The following MOV10L1 variants were observed in gnomAD, a reference collection of about 807,000 sequenced individuals.
MOV10L1 encodes RNA helicase Mov10l1.
Under a neutral mutation model 143.8 loss-of-function variants are expected in MOV10L1, and 110 were observed. The observed-to-expected ratio is 0.76, with a 90% confidence interval of 0.66 to 0.90. The LOEUF (loss-of-function observed/expected upper bound fraction) is 0.90, where lower values mean the gene tolerates loss of function less well. Among genes scored for constraint, MOV10L1 ranks in the 40% least tolerant of loss-of-function variants. The pLI is 0.00. For missense variants in MOV10L1, 1,406 were observed against 1,526.8 expected, an observed-to-expected ratio of 0.92 and a Z score of 1.32; for synonymous variants, 593 against 581.1, an observed-to-expected ratio of 1.02 and a Z score of -0.29.
At chr22:50,119,380 T>C (rs2062272906) in intron 9 of MOV10L1, among the ~76,000 whole-genome samples, 2 of 152,110 alleles carry the variant, frequency 1.3e-5, no homozygotes, top group East Asian at 1.9e-4. Flanking sequence ...CTGTCACAGG[T>C]CCTGCACTTC....
intron 2 of MOV10L1, chr22:50,094,501 A>T (rs1602107517): frequency 6.7e-6 from 1 of 150,078 alleles, no homozygotes; most frequent in Admixed American, 6.7e-5. Context: ...CTGGGTTCAC[A>T]CCATTCTCCT....
intron 3 of MOV10L1, among the ~76,000 whole-genome samples, chr22:50,099,925 G>C (rs1427064137): frequency 2.0e-5 from 3 of 152,166 alleles, no homozygotes; most frequent in Non-Finnish European, 4.4e-5. Context: ...TTCACACAGA[G>C]GCTCTTGGAT....
chr22:50,099,649 T>C, intron 3 of MOV10L1, 47 bp downstream of exon 3: 2 of 1,573,316 alleles, frequency 1.3e-6, no homozygotes, highest in Non-Finnish European at 1.7e-6. Context: ...GGTTTTGTCT[T>C]TTAAAGAATT....
intron 22 of MOV10L1, among the ~76,000 whole-genome samples, chr22:50,157,297 G>A (rs763341093): frequency 2.0e-5 from 3 of 152,104 alleles, no homozygotes; most frequent in African/African-American, 7.2e-5. Context: ...ATCTTTTCAC[G>A]TTGTTGATTG....
At chr22:50,113,827 T>G in intron 6 of MOV10L1, 39 bp downstream of exon 6, 3 of 1,526,318 alleles carry the variant, frequency 2.0e-6, no homozygotes, top group Middle Eastern at 1.8e-4. Context: ...AAAGCTACAT[T>G]AATGGCTTTT....
At position 50,161,383 on chromosome 22, in the gene MOV10L1, G is replaced by A; in HGVS notation, c.3570G>A (p.Val1190=). ...CTGTCTACAGCTGTGGCGAGGGGGT[G>A]GCAGACCCCTCCTACCCAGTGGTGC... ...LQSLQNCGEG[V]ADPSYPVVPE... is the part of the protein sequence containing the mutation. Residue 1190 remains valine (V), a synonymous_variant, in exon 27 of 27, where the codon GTG becomes GTA. Coordinates refer to ENST00000262794, the MANE Select transcript of MOV10L1 (RefSeq NM_018995.3). 2 of 1,599,578 alleles carry A rather than the reference G, an allele frequency of 1.3e-6. No homozygotes were observed. Among genetic ancestry groups the A allele is most frequent in the Non-Finnish European group, 8.5e-7 (1 of 1,173,378 alleles).
chr22:50,120,409 C>G, intron 9 of MOV10L1, 93 bp from the exon 10 acceptor site: 2 of 798,902 alleles, frequency 2.5e-6, no homozygotes, highest in Non-Finnish European at 4.2e-6. Context: ...GGACTTTGGT[C>G]TTCCTAAAAT....
intron 13 of MOV10L1, 84 bp from the exon 14 acceptor site, chr22:50,133,923 A>C (rs1358711551): frequency 9.2e-7 from 1 of 1,085,080 alleles, no homozygotes; most frequent in Non-Finnish European, 1.4e-6. Flanking sequence ...TAAAGATTGT[A>C]TCATAAAATT....
chr22:50,144,377 G>GCT, intron 18 of MOV10L1, 134 bp downstream of exon 18: 4 of 1,122,354 alleles, frequency 3.6e-6, no homozygotes, highest in Non-Finnish European at 4.9e-6. Context: ...TTGAGAAATG[G>GCT]CTCTGCCATG....
At chr22:50,108,311 G>A (rs770701434) in intron 4 of MOV10L1, 63 bp downstream of exon 4, 8 of 1,420,012 alleles carry the variant, frequency 5.6e-6, no homozygotes, top group Middle Eastern at 1.7e-4. Context: ...GGGGTAACTT[G>A]CACGGCCCAG....
intron 18 of MOV10L1, among the ~76,000 whole-genome samples, chr22:50,144,814 C>T (rs1032667303): frequency 3.2e-4 from 48 of 152,202 alleles, no homozygotes; most frequent in African/African-American, 1.1e-3. Flanking sequence ...ATCTCCTGAC[C>T]TCATGATCTG....
rs67071955 is a variant in MOV10L1, at chr22:50,113,912, C to CTTTTTTT, written c.884+142_884+148dup. The CTTTTTTT allele has an allele frequency of 3.7e-4, 97 of 263,388 alleles. 1 individual carries two copies. The highest frequency in any genetic ancestry group is 8.3e-4 in the African/African-American group (19 of 22,786). The allele number at this position is 263,388 out of a possible 1,614,324, so 16.3% of individuals were successfully genotyped here. On this transcript the variant is annotated intron_variant, in intron 6 of 26. Transcript: ENST00000262794. ...ATTTTTTTCTTTATGAAGATCTTTT[C>CTTTTTTT]TTTTTTTTTTTTTTTTTTTTTTTTG...
At chr22:50,115,353 C>T (rs1454587654) in intron 8 of MOV10L1, 107 bp downstream of exon 8, 37 of 1,294,948 alleles carry the variant, frequency 2.9e-5, no homozygotes, top group Admixed American at 1.2e-4. Flanking sequence ...TCACCTGAGA[C>T]CAGGAGTTCG....
Position 50,108,823 on chromosome 22 carries a change from G to GA in MOV10L1, c.722_723insA (p.Cys241Ter), listed in dbSNP as rs751584530. ...SQSCYVWRAL[C>*]MTLVKRRDAA... ...TCATGCTATGTCTGGAGGGCACTTT[G>GA]TATGACCCTAGTGAAGAGGCGGTAA... is the stretch of plus-strand genomic sequence containing the variant. The change falls in exon 5 of 27, where the codon TGT becomes TGAT. Residue 241 changes from cysteine (C) to a stop codon, truncating the protein, a stop_gained and frameshift_variant. Coordinates refer to ENST00000262794, the MANE Select transcript of MOV10L1 (RefSeq NM_018995.3). LOFTEE classifies it high-confidence loss of function. The GA allele has an allele frequency of 1.2e-6, 2 of 1,614,194 alleles. No homozygotes were observed. Among genetic ancestry groups the GA allele is most frequent in the Non-Finnish European group, 1.7e-6 (2 of 1,180,030 alleles).
intron 26 of MOV10L1, 39 bp downstream of exon 26, chr22:50,161,094 T>C (rs2063549180): frequency 1.3e-6 from 2 of 1,593,814 alleles, no homozygotes; most frequent in Non-Finnish European, 1.7e-6. Flanking sequence ...ACAGGCTGGC[T>C]CTAGAACGTG....
Position 50,120,489 on chromosome 22 carries a change from T to G in MOV10L1, c.1455-13T>G, listed in dbSNP as rs2062307462. The stretch of plus-strand genomic sequence containing the variant: ...AAAGACTTATTTTTAACTTGTGAAC[T>G]TAATTTTTTAAGGAACTCAAGACGA... On this transcript the variant is annotated splice_polypyrimidine_tract_variant and intron_variant, in intron 9 of 26. Transcript: ENST00000262794. 1 of 1,539,330 alleles carries G rather than the reference T, an allele frequency of 6.5e-7. No homozygotes were observed. The highest frequency in any genetic ancestry group is 9.0e-7 in the Non-Finnish European group (1 of 1,115,028).
chr22:50,127,926 C>G (rs1384621768), intron 12 of MOV10L1, among the ~76,000 whole-genome samples: 1 of 152,142 alleles, frequency 6.6e-6, no homozygotes, highest in Admixed American at 6.5e-5. Flanking sequence ...GTGCCCAGCA[C>G]CACGCCTGGG....
Position 50,099,529 on chromosome 22 carries a change from T to C in MOV10L1, c.369T>C (p.Cys123=). ...GCGGCCCCCGAGTGTTGATTGGCTG[T>C]GTGACTTCCCTGGTGGAGGGCGCAG... The part of the protein sequence containing the change: ...SDCGPRVLIG[C]VTSLVEGAGC... Residue 123 remains cysteine, a synonymous_variant, in exon 3 of 27, where the codon TGT becomes TGC. Transcript: ENST00000262794. 6.2e-7 allele frequency: 1 copy of C among 1,614,222 alleles called. No homozygotes were observed. The highest frequency in any genetic ancestry group is 8.5e-7 in the Non-Finnish European group (1 of 1,180,038).
chr22:50,161,583 G>A lies in MOV10L1; in HGVS notation c.*134G>A. The A allele has an allele frequency of 2.3e-6, 2 of 859,388 alleles. No homozygotes were observed. Among genetic ancestry groups the A allele is most frequent in the Non-Finnish European group, 3.5e-6 (2 of 571,670 alleles). The allele number at this position is 859,388 out of a possible 1,614,324, so 53.2% of individuals were successfully genotyped here. A position where few individuals can be genotyped will look rare whatever the true frequency, so the allele number is the denominator to read the frequency against. On this transcript the variant is annotated 3_prime_UTR_variant, in exon 27 of 27. Coordinates refer to ENST00000262794, the MANE Select transcript of MOV10L1 (RefSeq NM_018995.3). Reference sequence around the variant, plus strand: ...TCGTGTGTGGGTGTGGGGCTGCCAGGTTGGACGCAGCTGCTGCTGCCCTGA... The same window carrying A: ...TCGTGTGTGGGTGTGGGGCTGCCAGATTGGACGCAGCTGCTGCTGCCCTGA...
Sources: gnomAD v4.1 joint callset for allele counts (sites outside exome capture counted in the v4.1 genomes callset) on GRCh38, gnomAD v4.1.1 for gene constraint, MANE v1.5 for transcripts, NCBI Gene and HGNC (gene_info 2026-07-23, HGNC 2026-07-21) for gene names.